MOB1A: variants seen among roughly 807,000 people sequenced by gnomAD.
The protein encoded by MOB1A is MOB kinase activator 1A.
MOB1A carries 10 observed loss-of-function variants against 25.1 expected under a neutral mutation model. That is an observed-to-expected ratio of 0.40 (90% CI 0.25 to 0.68). MOB1A has a LOEUF of 0.68. Ranked by LOEUF, MOB1A falls within the 30% of genes least tolerant of loss-of-function variation. The pLI is 0.40. For synonymous variants in MOB1A, 81 were observed against 79.5 expected (o/e 1.02, Z -0.10); for missense variants, 177 against 256.3 (o/e 0.69, Z 2.11).
chr2:74,170,132 G>A (rs775719249), intron 2 of MOB1A, among the ~76,000 whole-genome samples: 1 of 151,752 alleles, frequency 6.6e-6, no homozygotes, highest in Non-Finnish European at 1.5e-5. Context: ...TTGTTTGTTT[G>A]TTTGTTTTTG....
At chr2:74,172,549 T>C in intron 2 of MOB1A, 37 bp downstream of exon 2, 2 of 1,583,636 alleles carry the variant, frequency 1.3e-6, no homozygotes, top group Non-Finnish European at 8.6e-7. Flanking sequence ...TAGCAAAACC[T>C]TTCTAGAAAA....
chr2:74,177,777 T>C (rs1184243271), intron 1 of MOB1A, among the ~76,000 whole-genome samples: 1 of 152,192 alleles, frequency 6.6e-6, no homozygotes, highest in Non-Finnish European at 1.5e-5. Flanking sequence ...AAAACACACA[T>C]TTAAGCAATA....
In MOB1A at chr2:74,156,386, G is replaced by C. The variant is rs1036061541; in HGVS notation, c.*182C>G. The C allele has an allele frequency of 5.0e-6, 3 of 605,966 alleles. No homozygotes were observed. Among genetic ancestry groups the C allele is most frequent in the Admixed American group, 3.1e-5 (1 of 32,694 alleles). The allele number at this position is 605,966 out of a possible 1,614,324, so 37.5% of individuals were successfully genotyped here. On this transcript the variant is annotated 3_prime_UTR_variant, in exon 6 of 6. Transcript: ENST00000396049. ...ACTTAAGATTTGGCTGTGTCCTTAA[G>C]GTCTTACTCGGAAACTATCACACCA...
At chr2:74,169,152 A>C (rs1343050087) in intron 2 of MOB1A, among the ~76,000 whole-genome samples, 1 of 152,178 alleles carries the variant, frequency 6.6e-6, no homozygotes, top group African/African-American at 2.4e-5. Context: ...GAAAATAGTC[A>C]TTTTTCGTAA....
At chr2:74,165,048 G>A (rs914818777) in intron 4 of MOB1A, 170 bp downstream of exon 4, 24 of 379,790 alleles carry the variant, frequency 6.3e-5, no homozygotes, top group Non-Finnish European at 9.7e-5. Flanking sequence ...GGCTGGATAC[G>A]GTGGCTCAAA....
intron 5 of MOB1A, among the ~76,000 whole-genome samples, chr2:74,157,095 A>G (rs1197038993): frequency 6.7e-6 from 1 of 149,766 alleles, no homozygotes; most frequent in East Asian, 2.0e-4. Flanking sequence ...AGGCTCCTAT[A>G]AAGCTTCAGG....
At chr2:74,161,592 T>C (rs1692974154) in intron 4 of MOB1A, among the ~76,000 whole-genome samples, 1 of 150,050 alleles carries the variant, frequency 6.7e-6, no homozygotes, top group Non-Finnish European at 1.5e-5. Flanking sequence ...GAGCTTGCAG[T>C]GTGCTGAGAT....
chr2:74,171,803 T>A (rs1410543476), intron 2 of MOB1A, among the ~76,000 whole-genome samples: 1 of 151,988 alleles, frequency 6.6e-6, no homozygotes, highest in Non-Finnish European at 1.5e-5. Flanking sequence ...CTCAGGAGAC[T>A]GAGACAGGAG....
At chr2:74,164,249 T>TG (rs1204586662) in intron 4 of MOB1A, 1 of 152,250 alleles carries the variant, frequency 6.6e-6, no homozygotes, top group Non-Finnish European at 1.5e-5. Context: ...CCAGGCGTGG[T>TG]GGCTCATGCC....
intron 4 of MOB1A, among the ~76,000 whole-genome samples, chr2:74,163,311 A>G (rs74475111): frequency 0.027 from 4,055 of 152,294 alleles, 187 homozygotes; most frequent in African/African-American, 0.092. Context: ...ACAGAAAAAG[A>G]GTCTGATGGT....
At chr2:74,161,333 G>A (rs1023441941) in intron 4 of MOB1A, among the ~76,000 whole-genome samples, 1 of 152,072 alleles carries the variant, frequency 6.6e-6, no homozygotes, top group African/African-American at 2.4e-5. Flanking sequence ...GCAGGATCTT[G>A]TATTCATGTA....
chr2:74,158,892 C>T (rs1692879138), intron 5 of MOB1A, among the ~76,000 whole-genome samples, 199 bp downstream of exon 5: 1 of 151,942 alleles, frequency 6.6e-6, no homozygotes, highest in Non-Finnish European at 1.5e-5. Flanking sequence ...GGCAGAAGGC[C>T]CAAATGGGGG....
At chr2:74,157,297 T>C (rs764453906) in intron 5 of MOB1A, among the ~76,000 whole-genome samples, 14 of 151,984 alleles carry the variant, frequency 9.2e-5, no homozygotes, top group Non-Finnish European at 1.3e-4. Flanking sequence ...GCTGAACACG[T>C]GGAGGTTCCT....
Position 74,156,540 on chromosome 2 carries a change from G to A in MOB1A, c.*28C>T, listed in dbSNP as rs770874741. Reference sequence around the variant, plus strand: ...ATAGTTCTAGCAATAGATGAAGCAAGGGGGTAACTGTGTTCTAGAAGAAAC... The same window carrying A: ...ATAGTTCTAGCAATAGATGAAGCAAAGGGGTAACTGTGTTCTAGAAGAAAC... On this transcript the variant is annotated 3_prime_UTR_variant, in exon 6 of 6. Coordinates refer to ENST00000396049, the MANE Select transcript of MOB1A (RefSeq NM_018221.5). The A allele has an allele frequency of 6.9e-7, 1 of 1,454,002 alleles. No individual in the cohort carries two copies. The highest frequency in any genetic ancestry group is 9.4e-7 in the Non-Finnish European group (1 of 1,058,554). 90.1% of individuals were successfully genotyped at this position (1,454,002 alleles called of 1,614,324 possible). A position where few individuals can be genotyped will look rare whatever the true frequency, so the allele number is the denominator to read the frequency against.
At position 74,155,604 on chromosome 2, in the gene MOB1A, CAT is replaced by C. The variant is rs773703977; in HGVS notation, c.*962_*963del. ...ACTAAGGCTCAAGAGACAATAAAAACATAGAAGTAATTTTTTAATAAAAGGAA... is the reference window on the plus strand; with the variant it reads ...ACTAAGGCTCAAGAGACAATAAAAACAGAAGTAATTTTTTAATAAAAGGAA... On this transcript the variant is annotated 3_prime_UTR_variant, in exon 6 of 6. Coordinates refer to ENST00000396049, the MANE Select transcript of MOB1A (RefSeq NM_018221.5). The C allele has an allele frequency of 3.0e-4, 45 of 152,480 alleles. No homozygotes were observed. The highest frequency in any genetic ancestry group is 1.2e-4 in the Non-Finnish European group (8 of 67,950). The allele number at this position is 152,480 out of a possible 1,614,324, so 9.4% of individuals were successfully genotyped here. A position where few individuals can be genotyped will look rare whatever the true frequency, so the allele number is the denominator to read the frequency against.
intron 4 of MOB1A, among the ~76,000 whole-genome samples, chr2:74,161,732 G>A (rs911502252): frequency 2.0e-5 from 3 of 151,616 alleles, no homozygotes; most frequent in Admixed American, 1.3e-4. Flanking sequence ...GAAGCAGAAA[G>A]GTTGCTTGGG....
chr2:74,174,658 A>C (rs1470415367), intron 1 of MOB1A, among the ~76,000 whole-genome samples: 1 of 152,236 alleles, frequency 6.6e-6, no homozygotes, highest in Non-Finnish European at 1.5e-5. Context: ...CACAAAACTC[A>C]GAAACCTCAA....
Position 74,156,486 on chromosome 2 carries a change from A to T in MOB1A, c.*82T>A, listed in dbSNP as rs963536689. ...TTTATCCTGTTTTCTTAAAGTTTGT[A>T]TCACTAGTCTATAACAGATAGCAAT... On this transcript the variant is annotated 3_prime_UTR_variant, in exon 6 of 6. Transcript: ENST00000396049. The T allele has an allele frequency of 5.0e-6, 5 of 1,006,150 alleles. No individual in the cohort carries two copies. In the African/African-American group the frequency reaches 6.5e-5, roughly 13 times the overall value. 62.3% of individuals were successfully genotyped at this position (1,006,150 alleles called of 1,614,324 possible).
chr2:74,167,171 G>T, intron 2 of MOB1A, 64 bp from the exon 3 acceptor site: 1 of 1,276,586 alleles, frequency 7.8e-7, no homozygotes, highest in Non-Finnish European at 1.1e-6. Context: ...ACCTCCAGTT[G>T]AAGGAAAAAC....
Sources: gnomAD v4.1 joint callset for allele counts (sites outside exome capture counted in the v4.1 genomes callset) on GRCh38, gnomAD v4.1.1 for gene constraint, MANE v1.5 for transcripts, NCBI Gene and HGNC (gene_info 2026-07-23, HGNC 2026-07-21) for gene names.